Variants in ATXN7L1 observed in about 807,000 individuals in gnomAD.
ATXN7L1 encodes ataxin-7-like protein 1.
A neutral mutation model predicts 70.8 loss-of-function variants in ATXN7L1; 15 were observed. The observed-to-expected ratio is 0.21, with a 90% CI of 0.14 to 0.33. The LOEUF (loss-of-function observed/expected upper bound fraction) is 0.33. Among genes scored for constraint, ATXN7L1 ranks in the 10% least tolerant of loss-of-function variants. ATXN7L1 has a pLI of 1.00. For missense variants in ATXN7L1, 975 were observed against 1,097.1 expected (o/e 0.89, Z 1.57); for synonymous variants, 440 against 445.1 (o/e 0.99, Z 0.14).
Position 105,614,618 on chromosome 7 carries a change from C to T in ATXN7L1, c.1716G>A (p.Pro572=), listed in dbSNP as rs553351819. 1.2e-3 allele frequency: 1,865 copies of T among 1,551,686 alleles called. 50 individuals are homozygous for T. The South Asian group carries it at 0.02, about 17-fold the overall frequency. The stretch of plus-strand genomic sequence containing the variant: ...TGTGGGACATGAGGGCGCTCGGGTC[C>T]GGCGATGTCACGAAAGCTGCGTTTG... ...MLSNAAFVTS[P]DPSALMSHTT... is the part of the protein sequence containing the mutation. The change falls in exon 10 of 12, where the codon CCG becomes CCA. Residue 572 remains proline, a synonymous_variant. Coordinates refer to ENST00000419735, the MANE Select transcript of ATXN7L1 (RefSeq NM_020725.2). This position sits in a 1 kb window ranked among gnomAD's most constrained non-coding sequence, Gnocchi z 4.3.
chr7:105,729,507 A>G (rs1796290753), intron 3 of ATXN7L1, among the ~76,000 whole-genome samples: 1 of 145,212 alleles, frequency 6.9e-6, no homozygotes, highest in Admixed American at 7.1e-5. Context: ...TCAGCTCGCC[A>G]CAATCTCTGC....
At chr7:105,619,337 G>A (rs1445518469) in intron 9 of ATXN7L1, among the ~76,000 whole-genome samples, 2 of 145,100 alleles carry the variant, frequency 1.4e-5, no homozygotes, top group African/African-American at 5.0e-5. Flanking sequence ...TAGTAGAGAC[G>A]GGGGTTTCAC....
chr7:105,847,549 G>C (rs1364346742), intron 2 of ATXN7L1, among the ~76,000 whole-genome samples: 2 of 152,168 alleles, frequency 1.3e-5, no homozygotes, highest in African/African-American at 4.8e-5. Flanking sequence ...GATGTGGATG[G>C]TGCTAAGGAA....
At chr7:105,860,791 G>C (rs1001414080) in intron 2 of ATXN7L1, among the ~76,000 whole-genome samples, 1 of 152,196 alleles carries the variant, frequency 6.6e-6, no homozygotes, top group African/African-American at 2.4e-5. Context: ...AAGATGCTTA[G>C]TCGAACTATA....
intron 3 of ATXN7L1, among the ~76,000 whole-genome samples, chr7:105,725,043 C>T (rs1795647032): frequency 6.6e-6 from 1 of 152,052 alleles, no homozygotes; most frequent in African/African-American, 2.4e-5. Context: ...GAATTCAGTA[C>T]AACTTCATCT....
At chr7:105,740,985 C>T (rs1046403786) in intron 3 of ATXN7L1, among the ~76,000 whole-genome samples, 6 of 151,896 alleles carry the variant, frequency 4.0e-5, no homozygotes, top group Admixed American at 3.3e-4. Flanking sequence ...AGGATGGTCT[C>T]GATCTCCTGA....
intron 3 of ATXN7L1, among the ~76,000 whole-genome samples, chr7:105,741,645 G>T (rs1379585315): frequency 6.6e-6 from 1 of 152,130 alleles, no homozygotes; most frequent in African/African-American, 2.4e-5. Flanking sequence ...AGTTTTATGG[G>T]TTCTCTCCCT....
At chr7:105,707,268 T>C (rs192387246) in intron 3 of ATXN7L1, among the ~76,000 whole-genome samples, 17 of 152,142 alleles carry the variant, frequency 1.1e-4, no homozygotes, top group Admixed American at 1.1e-3. Flanking sequence ...ACAGCACACA[T>C]GAAGCAATGA....
At chr7:105,784,932 C>T (rs953041662) in intron 3 of ATXN7L1, among the ~76,000 whole-genome samples, 5 of 152,186 alleles carry the variant, frequency 3.3e-5, no homozygotes, top group African/African-American at 1.2e-4. Context: ...GTCCATGGGG[C>T]TTGGACCCCT....
chr7:105,625,772 A>G (rs1470418198), intron 7 of ATXN7L1, among the ~76,000 whole-genome samples: 1 of 152,222 alleles, frequency 6.6e-6, no homozygotes, highest in Admixed American at 6.5e-5. Context: ...ACAAAACAAC[A>G]CAAGGCAAAA....
At chr7:105,626,358 A>T (rs2115824482) in intron 7 of ATXN7L1, among the ~76,000 whole-genome samples, 1 of 152,322 alleles carries the variant, frequency 6.6e-6, no homozygotes, top group Middle Eastern at 3.4e-3. Flanking sequence ...AGTTGGAAGG[A>T]GCGGGGAATA....
chr7:105,850,395 G>A (rs1245382880), intron 2 of ATXN7L1, among the ~76,000 whole-genome samples: 1 of 152,212 alleles, frequency 6.6e-6, no homozygotes, highest in Non-Finnish European at 1.5e-5. Context: ...TGTTCCAGGG[G>A]CTACTCAATG....
intron 2 of ATXN7L1, among the ~76,000 whole-genome samples, chr7:105,856,441 C>T (rs981667084): frequency 3.3e-5 from 5 of 151,806 alleles, no homozygotes; most frequent in African/African-American, 1.2e-4. Flanking sequence ...CAAAAATTAG[C>T]GGGGCATGGT....
At chr7:105,640,519 T>C (rs1445021336) in intron 5 of ATXN7L1, among the ~76,000 whole-genome samples, 1 of 152,212 alleles carries the variant, frequency 6.6e-6, no homozygotes, top group African/African-American at 2.4e-5. Flanking sequence ...TGAGGGGATG[T>C]GAGGTGATCT....
intron 3 of ATXN7L1, among the ~76,000 whole-genome samples, chr7:105,716,705 A>ACACACT: frequency 9.3e-6 from 1 of 107,714 alleles, no homozygotes; most frequent in Non-Finnish European, 1.8e-5. Flanking sequence ...ACACACACAC[A>ACACACT]CACACACACA....
intron 3 of ATXN7L1, among the ~76,000 whole-genome samples, chr7:105,722,560 TAAAAAAAAAAAAAAAAA>T (rs56228890): frequency 0.035 from 720 of 20,836 alleles, 20 homozygotes; most frequent in African/African-American, 0.095. Context: ...GACTCTGCCT[TAAAAAAAAAAAAAAAAA>T]AAAAAAAAAA....
At chr7:105,804,099 C>T (rs1336348167) in intron 2 of ATXN7L1, among the ~76,000 whole-genome samples, 3 of 152,300 alleles carry the variant, frequency 2.0e-5, no homozygotes, top group African/African-American at 4.8e-5. Flanking sequence ...GGCCAAGCTC[C>T]AGAGGCTAGA....
intron 5 of ATXN7L1, among the ~76,000 whole-genome samples, 165 bp from the exon 6 acceptor site, chr7:105,639,734 A>G (rs1048803550): frequency 6.6e-6 from 1 of 152,192 alleles, no homozygotes; most frequent in Non-Finnish European, 1.5e-5. Flanking sequence ...CCAGCTGCTA[A>G]AAGTCTTCCA....
intron 2 of ATXN7L1, among the ~76,000 whole-genome samples, chr7:105,792,508 G>A (rs1257828941): frequency 6.6e-6 from 1 of 152,214 alleles, no homozygotes; most frequent in African/African-American, 2.4e-5. Context: ...AGGGCAGGGA[G>A]AGAGGAGAAC....
Sources: gnomAD v4.1 joint callset for allele counts (sites outside exome capture counted in the v4.1 genomes callset) on GRCh38, gnomAD v4.1.1 for gene constraint, Gnocchi (gnomAD v3.1) non-coding constraint, MANE v1.5 for transcripts, NCBI Gene and HGNC (gene_info 2026-07-23, HGNC 2026-07-21) for gene names.